Variants in TMEM135 observed in about 807,000 individuals in gnomAD.
TMEM135 encodes peroxisomal membrane protein 52.
In TMEM135, 30 loss-of-function variants were observed where a neutral mutation model predicts 60.3. The ratio of observed to expected loss-of-function variants is 0.50; its 90% CI spans 0.37 to 0.68. The LOEUF (loss-of-function observed/expected upper bound fraction) is 0.68. TMEM135 is among the 30% of genes least tolerant of loss of function. TMEM135 has a pLI of 0.00. For synonymous variants in TMEM135, 190 were observed against 186.7 expected, an observed-to-expected ratio of 1.02 and a Z score of -0.14; for missense variants, 468 against 548.8, an observed-to-expected ratio of 0.85 and a Z score of 1.47.
At chr11:87,240,022 A>G (rs566652960) in intron 6 of TMEM135, among the ~76,000 whole-genome samples, 3 of 152,138 alleles carry the variant, frequency 2.0e-5, no homozygotes, top group Non-Finnish European at 1.5e-5. Flanking sequence ...TTCAAATGGA[A>G]TCATCCACTT....
intron 5 of TMEM135, among the ~76,000 whole-genome samples, chr11:87,169,052 T>C (rs902207965): frequency 8.5e-5 from 13 of 152,050 alleles, no homozygotes; most frequent in Non-Finnish European, 1.2e-4. Flanking sequence ...TGCCATTATG[T>C]AATGCCCTTC....
chr11:87,195,391 T>TC (rs1555116639), intron 5 of TMEM135, among the ~76,000 whole-genome samples: 47 of 65,790 alleles, frequency 7.1e-4, no homozygotes, highest in African/African-American at 2.3e-3. Context: ...CCTTCCTTCC[T>TC]TCTCTCTCTC....
At chr11:87,290,425 A>G (rs1057074186) in intron 6 of TMEM135, among the ~76,000 whole-genome samples, 1 of 152,214 alleles carries the variant, frequency 6.6e-6, no homozygotes, top group Non-Finnish European at 1.5e-5. Flanking sequence ...GAAAACCTAC[A>G]GTAAAGTGTT....
At chr11:87,240,713 G>T (rs1446999457) in intron 6 of TMEM135, among the ~76,000 whole-genome samples, 1 of 152,064 alleles carries the variant, frequency 6.6e-6, no homozygotes, top group East Asian at 1.9e-4. Context: ...TGTCTATGGG[G>T]AATATTTGAG....
intron 5 of TMEM135, among the ~76,000 whole-genome samples, chr11:87,224,622 T>C (rs1365832453): frequency 6.6e-6 from 1 of 152,188 alleles, no homozygotes; most frequent in Admixed American, 6.5e-5. Context: ...AAATTGTTCA[T>C]TTATAACAAG....
intron 4 of TMEM135, among the ~76,000 whole-genome samples, chr11:87,091,625 C>T (rs1857206845): frequency 6.6e-6 from 1 of 152,058 alleles, no homozygotes; most frequent in South Asian, 2.1e-4. Context: ...TTGTGCTCTT[C>T]ATTGCCTTTT....
At chr11:87,183,955 CAAAAAAAAAAAAAA>C (rs71040297) in intron 5 of TMEM135, among the ~76,000 whole-genome samples, 1 of 80,150 alleles carries the variant, frequency 1.2e-5, no homozygotes, top group Non-Finnish European at 2.1e-5. Context: ...GACTTCGTCG[CAAAAAAAAAAAAAA>C]AAAAAAAAAA....
At chr11:87,254,515 A>G (rs1941483278) in intron 6 of TMEM135, among the ~76,000 whole-genome samples, 1 of 152,208 alleles carries the variant, frequency 6.6e-6, no homozygotes, top group Non-Finnish European at 1.5e-5. Context: ...AAAAGTTAGA[A>G]CACATAATCC....
intron 1 of TMEM135, among the ~76,000 whole-genome samples, chr11:87,057,706 T>G (rs1346562504): frequency 6.6e-6 from 1 of 152,166 alleles, no homozygotes; most frequent in African/African-American, 2.4e-5. Flanking sequence ...TATTTGGCTT[T>G]TGTAGCTTAT....
chr11:87,165,906 A>T (rs1286697376), intron 5 of TMEM135, among the ~76,000 whole-genome samples: 3 of 150,748 alleles, frequency 2.0e-5, no homozygotes, highest in Admixed American at 2.0e-4. Flanking sequence ...GATAAAGGGG[A>T]TATCACCACC....
chr11:87,306,048 G>T (rs2135444052), intron 9 of TMEM135, 43 bp downstream of exon 9: 1 of 1,128,582 alleles, frequency 8.9e-7, no homozygotes, highest in Non-Finnish European at 1.2e-6. Context: ...GTAGGGAATG[G>T]GTATAGAAAT....
At chr11:87,111,256 T>C (rs945230075) in intron 4 of TMEM135, among the ~76,000 whole-genome samples, 3 of 152,142 alleles carry the variant, frequency 2.0e-5, no homozygotes, top group Non-Finnish European at 4.4e-5. Flanking sequence ...TTGTTTCACA[T>C]CTTTTAGTTA....
intron 4 of TMEM135, among the ~76,000 whole-genome samples, chr11:87,126,640 A>G (rs1937741922): frequency 6.6e-6 from 1 of 151,168 alleles, no homozygotes; most frequent in Non-Finnish European, 1.5e-5. Flanking sequence ...GGAGAAAAGG[A>G]CTCATTGTAT....
intron 4 of TMEM135, among the ~76,000 whole-genome samples, chr11:87,140,195 G>A (rs1344103016): frequency 6.6e-6 from 1 of 152,016 alleles, no homozygotes; most frequent in African/African-American, 2.4e-5. Context: ...AGCCTCTGAA[G>A]TAGCTGGGAC....
chr11:87,081,933 T>C (rs1425629915), intron 3 of TMEM135, among the ~76,000 whole-genome samples: 1 of 152,198 alleles, frequency 6.6e-6, no homozygotes, highest in Non-Finnish European at 1.5e-5. Context: ...CTTGATCTCA[T>C]TGTTACATTA....
chr11:87,129,544 A>T (rs1319059882), intron 4 of TMEM135, among the ~76,000 whole-genome samples: 11 of 125,650 alleles, frequency 8.8e-5, no homozygotes, highest in South Asian at 2.6e-4. Context: ...TGCTTGGCCA[A>T]TTTTTTTTTT....
intron 1 of TMEM135, among the ~76,000 whole-genome samples, chr11:87,040,662 C>CAAAAAAA (rs199617777): frequency 8.7e-6 from 1 of 114,988 alleles, no homozygotes. Flanking sequence ...AACTCCATCA[C>CAAAAAAA]AAAAAAAAAA....
chr11:87,067,550 G>T, intron 1 of TMEM135, 144 bp from the exon 2 acceptor site: 1 of 1,089,174 alleles, frequency 9.2e-7, no homozygotes, highest in Non-Finnish European at 1.3e-6. Flanking sequence ...CCTGAACATT[G>T]TATTTTTATA....
intron 4 of TMEM135, among the ~76,000 whole-genome samples, chr11:87,133,686 T>G (rs925607882): frequency 6.6e-5 from 10 of 152,188 alleles, no homozygotes; most frequent in African/African-American, 2.4e-4. Flanking sequence ...TGGTAACCTC[T>G]CCTTTCAGCT....
Sources: allele counts gnomAD v4.1 joint callset (sites outside exome capture counted in the v4.1 genomes callset), GRCh38; gene constraint gnomAD v4.1.1; transcripts MANE v1.5; gene names NCBI Gene and HGNC (gene_info 2026-07-23, HGNC 2026-07-21).